MRGPRF: variants seen among roughly 807,000 people sequenced by gnomAD.
The protein encoded by MRGPRF is mas-related G protein-coupled receptor member F.
A neutral mutation model predicts 3.3 loss-of-function variants in MRGPRF; 2 were observed. That is an observed-to-expected ratio of 0.61 (90% CI 0.25 to 1.92). MRGPRF has a LOEUF of 1.92. MRGPRF is among the 40% of genes most tolerant of loss of function. MRGPRF has a pLI of 0.16. For missense variants in MRGPRF, 500 were observed against 476.0 expected (o/e 1.05, Z -0.47); for synonymous variants, 242 against 222.7 (o/e 1.09, Z -0.77).
At chr11:69,009,588 T>C (rs1395258695) in intron 2 of MRGPRF, 6 of 605,596 alleles carry the variant, frequency 9.9e-6, no homozygotes, top group Middle Eastern at 2.5e-4. Flanking sequence ...GCAAGGATGC[T>C]ACAAGGCGAC....
intron 1 of MRGPRF, chr11:69,012,143 C>G (rs749131540): frequency 6.6e-6 from 1 of 152,332 alleles, no homozygotes; most frequent in Non-Finnish European, 1.5e-5. Flanking sequence ...GCTGCTATGA[C>G]AGAACTAGTT....
chr11:69,005,515 G>T lies in MRGPRF; in HGVS notation c.795C>A (p.Phe265Leu). The T allele has an allele frequency of 1.3e-6, 2 of 1,579,240 alleles. No homozygotes were observed. Among genetic ancestry groups the T allele is most frequent in the Non-Finnish European group, 1.7e-6 (2 of 1,162,914 alleles). Reference protein sequence around the residue: ...LGIDWFLFWVFQIPAPFPEYV... With the variant: ...LGIDWFLFWVLQIPAPFPEYV... Reference sequence around the variant, plus strand: ...ACTCGGGGAAGGGGGCCGGGATCTGGAAGACCCAGAAGAGGAACCAGTCGA... The same window carrying T: ...ACTCGGGGAAGGGGGCCGGGATCTGTAAGACCCAGAAGAGGAACCAGTCGA... The change falls in exon 3 of 3, where the codon TTC (phenylalanine) becomes TTA (leucine). Residue 265 changes from phenylalanine to leucine, a missense_variant. By Grantham distance (22) the Phe-to-Leu change is conservative. Transcript: ENST00000309099.
At chr11:69,010,615 G>A (rs1467151468) in intron 1 of MRGPRF, among the ~76,000 whole-genome samples, 1 of 152,194 alleles carries the variant, frequency 6.6e-6, no homozygotes, top group Non-Finnish European at 1.5e-5. Context: ...GCGCTCCTGG[G>A]CTTAGAGGGT....
Position 69,006,195 on chromosome 11 carries a change from C to T in MRGPRF, c.115G>A (p.Ala39Thr). 1.2e-6 allele frequency: 2 copies of T among 1,613,794 alleles called. No homozygotes were observed. Among genetic ancestry groups the T allele is most frequent in the African/African-American group, 1.3e-5 (1 of 75,050 alleles). The change falls in exon 3 of 3, where the codon GCG (alanine) becomes ACG (threonine). Residue 39 changes from alanine (A) to threonine (T), a missense_variant. Ala to Thr is a moderately conservative substitution (Grantham distance 58). Transcript: ENST00000309099. ...SRGFLTIEQI[A>T]MLPPPAVMNY... Reference sequence around the variant, plus strand: ...ATGACGGCCGGAGGCGGCAGCATCGCGATCTGCTCGATGGTCAGGAAGCCC... The same window carrying T: ...ATGACGGCCGGAGGCGGCAGCATCGTGATCTGCTCGATGGTCAGGAAGCCC...
rs371144082 is a variant in MRGPRF at position 69,005,362 on chromosome 11, G to T, written c.948C>A (p.Asp316Glu). Residue 316 changes from aspartate to glutamate, a missense_variant, in exon 3 of 3, where the codon GAC becomes GAA. Transcript: ENST00000309099. The stretch of plus-strand genomic sequence containing the variant: ...CCCCGGCCTCCCCCAGCTCAGCGCC[G>T]TCCCGCAGGGCCCGCTGGAAGACCA... Reference protein sequence around the residue: ...LRVVFQRALRDGAELGEAGGS... With the variant: ...LRVVFQRALREGAELGEAGGS... 9 of 1,568,914 alleles carry T rather than the reference G, an allele frequency of 5.7e-6. No individual in the cohort carries two copies. Among genetic ancestry groups the T allele is most frequent in the African/African-American group, 1.4e-5 (1 of 73,896 alleles).
intron 2 of MRGPRF, 88 bp downstream of exon 2, chr11:69,009,766 G>A (rs1268872654): frequency 1.4e-6 from 2 of 1,460,468 alleles, no homozygotes; most frequent in Non-Finnish European, 1.9e-6. Context: ...AGGAAGGGGG[G>A]GATGGGGGAG....
intron 1 of MRGPRF, among the ~76,000 whole-genome samples, chr11:69,010,175 G>T (rs375297879): frequency 6.6e-6 from 1 of 152,246 alleles, no homozygotes. Context: ...TGTGGACTCC[G>T]CGTCAGCCCC....
chr11:69,011,311 CT>C (rs1860592792), intron 1 of MRGPRF, among the ~76,000 whole-genome samples: 1 of 152,210 alleles, frequency 6.6e-6, no homozygotes, highest in Non-Finnish European at 1.5e-5. Flanking sequence ...TCCCAGGACC[CT>C]TCCCACCCAG....
chr11:69,010,285 C>T (rs914141395), intron 1 of MRGPRF, among the ~76,000 whole-genome samples: 2 of 152,234 alleles, frequency 1.3e-5, no homozygotes, highest in Non-Finnish European at 2.9e-5. Flanking sequence ...TCCCCACACA[C>T]ATTTTTGGGG....
At position 69,005,575 on chromosome 11, in the gene MRGPRF, G is replaced by A; in HGVS notation, c.735C>T (p.Val245=). 1 of 1,584,044 alleles carries A rather than the reference G, an allele frequency of 6.3e-7. No individual in the cohort carries two copies. Among genetic ancestry groups the A allele is most frequent in the South Asian group, 1.2e-5 (1 of 86,560 alleles). Residue 245 remains valine (V), a synonymous_variant, in exon 3 of 3, where the codon GTC becomes GTT. Coordinates refer to ENST00000309099, the MANE Select transcript of MRGPRF (RefSeq NM_145015.5). ...AKLNHVILAM[V]SVFLVSSIYL... is the part of the protein sequence containing the mutation. ...AGATGGAGGACACCAGGAAGACGGA[G>A]ACCATGGCCAGGATGACGTGGTTGA... is the stretch of plus-strand genomic sequence containing the variant.
chr11:69,005,817 C>G lies in MRGPRF; in HGVS notation c.493G>C (p.Ala165Pro), dbSNP rs775905409. ...RPKRLSAVVC[A>P]LLWVLSLLVT... ...AGGAGGGACAGGACCCACAGCAGGG[C>G]GCACACCACGGCCGACAGGCGCTTG... is the stretch of plus-strand genomic sequence containing the variant. Residue 165 changes from alanine (A) to proline (P), a missense_variant, in exon 3 of 3, where the codon GCC (alanine) becomes CCC (proline). Physicochemically the swap from Ala to Pro is conservative, Grantham distance 27. Coordinates refer to ENST00000309099, the MANE Select transcript of MRGPRF (RefSeq NM_145015.5). The G allele has an allele frequency of 6.5e-7, 1 of 1,532,562 alleles. No homozygotes were observed. The highest frequency in any genetic ancestry group is 8.8e-7 in the Non-Finnish European group (1 of 1,139,378). The allele number at this position is 1,532,562 out of a possible 1,614,324, so 94.9% of individuals were successfully genotyped here.
chr11:69,012,195 C>G (rs552877070), intron 1 of MRGPRF: 1 of 152,430 alleles, frequency 6.6e-6, no homozygotes, highest in East Asian at 1.9e-4. Context: ...ACAGCTCACA[C>G]CTGACCCTCC....
chr11:69,011,320 C>T (rs1860593008), intron 1 of MRGPRF, among the ~76,000 whole-genome samples: 1 of 152,214 alleles, frequency 6.6e-6, no homozygotes, highest in Non-Finnish European at 1.5e-5. Flanking sequence ...CCTTCCCACC[C>T]AGTGGCCTGG....
intron 1 of MRGPRF, among the ~76,000 whole-genome samples, chr11:69,011,443 A>G (rs1860595803): frequency 6.6e-6 from 1 of 152,226 alleles, no homozygotes; most frequent in Non-Finnish European, 1.5e-5. Flanking sequence ...GGGGTGTCCC[A>G]GGGTGGGGGC....
At chr11:69,009,585 T>C (rs1440266401) in intron 2 of MRGPRF, 1 of 602,928 alleles carries the variant, frequency 1.7e-6, no homozygotes, top group Non-Finnish European at 3.0e-6. Context: ...CTTGCAAGGA[T>C]GCTACAAGGC....
rs1425043432 is a variant in MRGPRF, at chr11:69,005,408, C to T, written c.902G>A (p.Arg301Gln). Residue 301 changes from arginine to glutamine, a missense_variant, in exon 3 of 3, where the codon CGG (arginine) becomes CAG (glutamine). Arg to Gln is a conservative substitution (Grantham distance 43). Transcript: ENST00000309099. ...GACCACCCTGAGCGGCTCCCACAGCCGCTGCGACTTGTCCCTCCCGGCCAG... is the reference window on the plus strand; with the variant it reads ...GACCACCCTGAGCGGCTCCCACAGCTGCTGCGACTTGTCCCTCCCGGCCAG... The part of the protein sequence containing the change: ...YFLAGRDKSQ[R>Q]LWEPLRVVFQ... 6 of 1,581,232 alleles carry T rather than the reference C, an allele frequency of 3.8e-6. No homozygotes were observed. The highest frequency in any genetic ancestry group is 3.5e-5 in the South Asian group (3 of 86,662).
rs933196000 is a variant in MRGPRF at position 69,011,442 on chromosome 11, C to T, written c.-56-1485G>A. Among the ~76,000 whole-genome samples, 5 of 152,346 alleles carry T rather than the reference C, an allele frequency of 3.3e-5. No homozygotes were observed. In the East Asian group the frequency reaches 7.7e-4, roughly 24 times the overall value. On this transcript the variant is annotated intron_variant, in intron 1 of 2. Coordinates refer to ENST00000309099, the MANE Select transcript of MRGPRF (RefSeq NM_145015.5). The stretch of plus-strand genomic sequence containing the variant: ...TCAGCCTGGGGTCTTCGGGGTGTCC[C>T]AGGGTGGGGGCACCTTGTGTGCCGG...
rs1313331041 is a variant in MRGPRF, at chr11:69,009,355, G to A, written c.48+499C>T. Reference sequence around the variant, plus strand: ...TAGGTTGGCTGAGGGCAGGAGGAGGGTCAGCCTGGAGGGGTTGTCAGAGTC... The same window carrying A: ...TAGGTTGGCTGAGGGCAGGAGGAGGATCAGCCTGGAGGGGTTGTCAGAGTC... On this transcript the variant is annotated intron_variant, in intron 2 of 2. Transcript: ENST00000309099. 9.8e-6 allele frequency: 4 copies of A among 407,476 alleles called. No individual in the cohort carries two copies. The Admixed American group carries it at 1.6e-4, about 17-fold the overall frequency. The allele number at this position is 407,476 out of a possible 1,614,324, so 25.2% of individuals were successfully genotyped here.
intron 1 of MRGPRF, among the ~76,000 whole-genome samples, chr11:69,010,891 A>C (rs990972941): frequency 1.3e-5 from 2 of 152,046 alleles, no homozygotes; most frequent in African/African-American, 2.4e-5. Flanking sequence ...CACCCCTTGG[A>C]GGAAGCTTCT....
Sources: gnomAD v4.1 joint callset for allele counts (sites outside exome capture counted in the v4.1 genomes callset) on GRCh38, gnomAD v4.1.1 for gene constraint, MANE v1.5 for transcripts, NCBI Gene and HGNC (gene_info 2026-07-23, HGNC 2026-07-21) for gene names.